The following GSG1L variants were observed in gnomAD, a reference collection of about 807,000 sequenced individuals.
The protein encoded by GSG1L is GSG1 like.
GSG1L carries 24 observed loss-of-function variants against 42.1 expected under a neutral mutation model. The observed-to-expected ratio is 0.57, with a 90% CI of 0.41 to 0.80. The LOEUF (loss-of-function observed/expected upper bound fraction) is 0.80, where lower values mean the gene tolerates loss of function less well. GSG1L is among the 30% of genes least tolerant of loss of function. GSG1L has a pLI of 0.00. For missense variants in GSG1L, 445 were observed against 472.2 expected, an observed-to-expected ratio of 0.94 and a Z score of 0.53; for synonymous variants, 215 against 203.5, an observed-to-expected ratio of 1.06 and a Z score of -0.48.
chr16:27,840,508 C>A (rs1440247103), intron 4 of GSG1L, among the ~76,000 whole-genome samples: 1 of 152,102 alleles, frequency 6.6e-6, no homozygotes, highest in Non-Finnish European at 1.5e-5. Flanking sequence ...AGACATGGCG[C>A]CAAAAGGAGG....
intron 3 of GSG1L, among the ~76,000 whole-genome samples, chr16:27,859,303 C>T (rs988069298): frequency 2.0e-5 from 3 of 152,156 alleles, no homozygotes; most frequent in African/African-American, 7.2e-5. Flanking sequence ...GGGACAGGAT[C>T]CGAGATTTGA....
chr16:27,833,372 T>G (rs940948608), intron 4 of GSG1L, among the ~76,000 whole-genome samples: 1 of 152,182 alleles, frequency 6.6e-6, no homozygotes, highest in Non-Finnish European at 1.5e-5. Flanking sequence ...CTTCCACTAA[T>G]ATCACACAGT....
rs1597451748 is a variant in GSG1L at position 27,789,873 on chromosome 16, G to A, written c.*1497C>T. 6.6e-6 allele frequency: 1 copy of A among 151,712 alleles called. No individual in the cohort carries two copies. The highest frequency in any genetic ancestry group is 2.4e-5 in the African/African-American group (1 of 41,346). 9.4% of individuals were successfully genotyped at this position (151,712 alleles called of 1,614,324 possible). On this transcript the variant is annotated 3_prime_UTR_variant, in exon 7 of 7. Coordinates refer to ENST00000447459, the MANE Select transcript of GSG1L (RefSeq NM_001109763.2). ...GATGGATGGATGATGAAGGATGGAT[G>A]GTTGATGGACTATAGATGGATAATA...
In GSG1L at chr16:27,791,105, T is replaced by C. The variant is rs950124790; in HGVS notation, c.*265A>G. 6.0e-6 allele frequency: 2 copies of C among 334,094 alleles called. No individual in the cohort carries two copies. The highest frequency in any genetic ancestry group is 1.1e-5 in the Non-Finnish European group (2 of 185,212). 20.7% of individuals were successfully genotyped at this position (334,094 alleles called of 1,614,324 possible). On this transcript the variant is annotated 3_prime_UTR_variant, in exon 7 of 7. Coordinates refer to ENST00000447459, the MANE Select transcript of GSG1L (RefSeq NM_001109763.2). ...GCATCGCAGCTGTGCCCAGCAGGGC[T>C]CATGTGATGATGGCAAGAGTCCGGG...
chr16:28,006,056 T>C (rs1307096205), intron 1 of GSG1L, among the ~76,000 whole-genome samples: 1 of 151,922 alleles, frequency 6.6e-6, no homozygotes, highest in East Asian at 1.9e-4. Context: ...GTGAGAAAAA[T>C]TCAGCCCGCT....
chr16:27,947,598 A>G (rs190041972), intron 2 of GSG1L, among the ~76,000 whole-genome samples: 770 of 74,744 alleles, frequency 0.01, 23 homozygotes, highest in African/African-American at 0.062. Flanking sequence ...AGAAAGAAAG[A>G]AAAAGAAAGA....
chr16:27,854,637 C>T (rs998316726), intron 3 of GSG1L, among the ~76,000 whole-genome samples: 6 of 152,102 alleles, frequency 3.9e-5, no homozygotes, highest in Non-Finnish European at 5.9e-5. Context: ...CCACCTGTGC[C>T]CACCTGTGTC....
At chr16:27,930,343 G>A (rs1015267860) in intron 2 of GSG1L, among the ~76,000 whole-genome samples, 1 of 152,152 alleles carries the variant, frequency 6.6e-6, no homozygotes, top group Non-Finnish European at 1.5e-5. Flanking sequence ...CCATCCCAGC[G>A]AGGCCCCCCT....
chr16:28,000,497 G>T (rs1053988061), intron 1 of GSG1L, among the ~76,000 whole-genome samples: 4 of 152,118 alleles, frequency 2.6e-5, no homozygotes, highest in African/African-American at 9.7e-5. Context: ...CTATCTATTT[G>T]CTTAGTCCTG....
intron 1 of GSG1L, among the ~76,000 whole-genome samples, chr16:28,054,324 C>T (rs973575446): frequency 1.3e-5 from 2 of 152,176 alleles, no homozygotes; most frequent in Non-Finnish European, 2.9e-5. Context: ...AGGGACCCTG[C>T]CCCCTCCAGG....
chr16:27,972,151 G>GA (rs2085200194), intron 1 of GSG1L, among the ~76,000 whole-genome samples: 1 of 152,212 alleles, frequency 6.6e-6, no homozygotes, highest in Non-Finnish European at 1.5e-5. Context: ...TAGAGACAGG[G>GA]AAAATCCAAG....
intron 3 of GSG1L, among the ~76,000 whole-genome samples, chr16:27,862,109 G>A (rs1175905898): frequency 1.3e-5 from 2 of 152,206 alleles, no homozygotes; most frequent in Non-Finnish European, 2.9e-5. Flanking sequence ...ATGCCCTAGT[G>A]TAATTCTTTC....
intron 1 of GSG1L, among the ~76,000 whole-genome samples, chr16:28,045,727 C>G (rs1290998483): frequency 1.3e-5 from 2 of 151,720 alleles, no homozygotes; most frequent in Non-Finnish European, 2.9e-5. Flanking sequence ...CAACAAGTAC[C>G]AGGCCAATTA....
rs763002948 is a variant in GSG1L, at chr16:27,870,415, TTCTC to T, written c.550+14067_550+14070del. Among the ~76,000 whole-genome samples the T allele has an allele frequency of 1.3e-4, 20 of 150,480 alleles. 2 individuals carry two copies. The highest frequency in any genetic ancestry group is 6.8e-3 in the Middle Eastern group (2 of 292). ...TCTGTCTCCCTCCATCTCTCTCTCC[TTCTC>T]TCTCTGTCTGTCTCCATCCATCTCT... On this transcript the variant is annotated intron_variant, in intron 3 of 6. Transcript: ENST00000447459.
At position 27,869,895 on chromosome 16, in the gene GSG1L, C is replaced by T. The variant is rs182991908; in HGVS notation, c.550+14591G>A. On this transcript the variant is annotated intron_variant, in intron 3 of 6. Transcript: ENST00000447459. ...CCTCCATCTCTCTGTCTCTGTCTCCCTCCATCTCTCTCTGTCTCTGTCTCC... is the reference window on the plus strand; with the variant it reads ...CCTCCATCTCTCTGTCTCTGTCTCCTTCCATCTCTCTCTGTCTCTGTCTCC... Among the ~76,000 whole-genome samples the T allele has an allele frequency of 2.6e-4, 34 of 128,864 alleles. 1 individual carries two copies. The East Asian group carries it at 6.2e-3, about 24-fold the overall frequency. The allele number at this position is 128,864 out of a possible 152,430, so 84.5% of individuals were successfully genotyped here.
chr16:27,795,629 G>A (rs2082809853), intron 6 of GSG1L, among the ~76,000 whole-genome samples: 1 of 152,122 alleles, frequency 6.6e-6, no homozygotes, highest in South Asian at 2.1e-4. Context: ...CACAAATGGG[G>A]AAACCAAGGC....
At chr16:27,959,883 T>C (rs977875225) in intron 2 of GSG1L, among the ~76,000 whole-genome samples, 2 of 152,072 alleles carry the variant, frequency 1.3e-5, no homozygotes, top group Admixed American at 1.3e-4. Flanking sequence ...GGATAAAAAA[T>C]GGTTGTGGCT....
chr16:27,809,399 G>A (rs541087632), intron 5 of GSG1L, among the ~76,000 whole-genome samples: 9 of 151,552 alleles, frequency 5.9e-5, no homozygotes, highest in Middle Eastern at 3.4e-3. Context: ...CAAGAACGCC[G>A]TCTCTAGAAA....
intron 2 of GSG1L, among the ~76,000 whole-genome samples, chr16:27,948,766 C>T (rs1327229702): frequency 2.0e-5 from 3 of 147,420 alleles, no homozygotes; most frequent in African/African-American, 2.5e-5. Flanking sequence ...CCCGCCACCG[C>T]ACCCGGCTAA....
Sources: gnomAD v4.1 joint callset for allele counts (sites outside exome capture counted in the v4.1 genomes callset) on GRCh38, gnomAD v4.1.1 for gene constraint, MANE v1.5 for transcripts, NCBI Gene and HGNC (gene_info 2026-07-23, HGNC 2026-07-21) for gene names.